Variants in HOOK2 observed in about 807,000 individuals in gnomAD.
The protein encoded by HOOK2 is hook microtubule tethering protein 2, also known as protein Hook homolog 2.
Under a neutral mutation model 111.9 loss-of-function variants are expected in HOOK2, and 108 were observed. The ratio of observed to expected loss-of-function variants is 0.96; its 90% confidence interval spans 0.83 to 1.13. The LOEUF (loss-of-function observed/expected upper bound fraction) is 1.13. Among genes scored for constraint, HOOK2 ranks in the 50% most tolerant of loss-of-function variants. The pLI is 0.00. For missense variants in HOOK2, 978 were observed against 951.3 expected (o/e 1.03, Z -0.37); for synonymous variants, 405 against 394.3 (o/e 1.03, Z -0.32).
At chr19:12,774,771 T>C (rs373870450) in intron 2 of HOOK2, 30 bp from the exon 3 acceptor site, 10 of 1,613,114 alleles carry the variant, frequency 6.2e-6, no homozygotes, top group Non-Finnish European at 8.5e-6. Context: ...ATGAGCAGAC[T>C]GGGGGACACT....
At chr19:12,774,026 C>T (rs1172806937) in intron 3 of HOOK2, 1 of 154,296 alleles carries the variant, frequency 6.5e-6, no homozygotes, top group Non-Finnish European at 1.4e-5. Flanking sequence ...GCCCTCATTG[C>T]TCTCTCTCAA....
At position 12,770,713 on chromosome 19, in the gene HOOK2, G is replaced by A. The variant is rs2290285; in HGVS notation, c.902+219C>T. Among the ~76,000 whole-genome samples, 161 of 140,188 alleles carry A rather than the reference G, an allele frequency of 1.1e-3. 2 individuals are homozygous for A. In the East Asian group the frequency reaches 0.033, roughly 29 times the overall value. The allele number at this position is 140,188 out of a possible 152,430, so 92.0% of individuals were successfully genotyped here. On this transcript the variant is annotated intron_variant, in intron 10 of 22. Transcript: ENST00000397668. Reference sequence around the variant, plus strand: ...GAAGCATACTGTGGGATAAGGGGGGGGCAGTGTGGGGTCCAGGGGATATGG... The same window carrying A: ...GAAGCATACTGTGGGATAAGGGGGGAGCAGTGTGGGGTCCAGGGGATATGG...
chr19:12,771,633 A>G (rs1968331177), intron 7 of HOOK2, among the ~76,000 whole-genome samples, 156 bp from the exon 8 acceptor site: 1 of 152,134 alleles, frequency 6.6e-6, no homozygotes, highest in African/African-American at 2.4e-5. Flanking sequence ...CTATAATCCC[A>G]GCACTTTGGG....
In HOOK2 at chr19:12,765,842, G is replaced by A; in HGVS notation, c.1600-8C>T. 1 of 1,610,974 alleles carries A rather than the reference G, an allele frequency of 6.2e-7. No homozygotes were observed. Among genetic ancestry groups the A allele is most frequent in the South Asian group, 1.1e-5 (1 of 91,024 alleles). ...CATGGTACTTACAATGGCCTGTATG[G>A]GGCATCGGGCAGCATGGGAGAGAGA... On this transcript the variant is annotated splice_region_variant and splice_polypyrimidine_tract_variant and intron_variant, in intron 16 of 22. Transcript: ENST00000397668.
rs748468127 is a variant in HOOK2, at chr19:12,771,060, G to C, written c.774C>G (p.Gly258=). ...LQEENFRLES[G]REDERLRCAE... ...CACAGCGCAGGCGCTCATCCTCCCTGCCACTCTCCAGCCTGGGGGTGTTGG... is the reference window on the plus strand; with the variant it reads ...CACAGCGCAGGCGCTCATCCTCCCTCCCACTCTCCAGCCTGGGGGTGTTGG... Residue 258 remains glycine (G), a synonymous_variant, in exon 10 of 23, where the codon GGC becomes GGG. Transcript: ENST00000397668. The C allele has an allele frequency of 3.1e-6, 5 of 1,612,636 alleles. No individual in the cohort carries two copies. In the East Asian group the frequency reaches 1.1e-4, roughly 36 times the overall value.
Position 12,767,404 on chromosome 19 carries a change from G to A in HOOK2, c.1364C>T (p.Ala455Val), listed in dbSNP as rs752500888. Residue 455 changes from alanine (A) to valine (V), a missense_variant, in exon 14 of 23, where the codon GCG (alanine) becomes GTG (valine). This residue lies in a region of HOOK2 where 388 missense variants were observed against 358.3 expected (regional missense o/e 1.08). Coordinates refer to ENST00000397668, the MANE Select transcript of HOOK2 (RefSeq NM_013312.3). ...AGTGACCCCAGGATACCTGAGCTCC[G>A]CAGGCAGGATCTCTGCGGCTAAGTT... ...VDNLAAEILP[A>V]ELRETLLRLQ... is the part of the protein sequence containing the mutation. 1.4e-5 allele frequency: 22 copies of A among 1,613,698 alleles called. No homozygotes were observed. The highest frequency in any genetic ancestry group is 3.3e-5 in the South Asian group (3 of 91,080).
intron 20 of HOOK2, among the ~76,000 whole-genome samples, chr19:12,764,011 C>G (rs1968074768): frequency 6.6e-6 from 1 of 151,960 alleles, no homozygotes; most frequent in African/African-American, 2.4e-5. Context: ...TTTATTTTTA[C>G]TTTATTTTTA....
At chr19:12,779,509 TGA>T (rs1673332522), upstream of HOOK2, among the ~76,000 whole-genome samples, 1 of 152,138 alleles carries the variant, frequency 6.6e-6, no homozygotes, top group Non-Finnish European at 1.5e-5. Flanking sequence ...TGAGTCCATG[TGA>T]AATGTGCTAG....
upstream of HOOK2, among the ~76,000 whole-genome samples, chr19:12,779,103 G>A (rs1299166442): frequency 6.6e-6 from 1 of 152,208 alleles, no homozygotes; most frequent in Non-Finnish European, 1.5e-5. Flanking sequence ...TAGGGACACA[G>A]AGCCCTGGTG....
In HOOK2 at chr19:12,786,591, T is replaced by C. The variant is rs907397801; in HGVS notation, n.42-12366A>G. 4.6e-5 allele frequency among the ~76,000 whole-genome samples: 7 copies of C among 151,980 alleles called. No homozygotes were observed. The highest frequency in any genetic ancestry group is 1.0e-4 in the Non-Finnish European group (7 of 67,960). The stretch of plus-strand genomic sequence containing the variant: ...CTGCCAGTCTGGACGCTCAGGCCAG[T>C]TGGGGGAGGGGGCTGTTCTCCCACC... On this transcript the variant is annotated intron_variant and non_coding_transcript_variant, in intron 3 of 3. Transcript: ENST00000589765. The surrounding 1 kb of genome is among the most constrained non-coding windows in gnomAD (Gnocchi z 4.3).
intron 3 of HOOK2, chr19:12,792,147 G>T (rs760427973): frequency 6.3e-7 from 1 of 1,596,812 alleles, no homozygotes; most frequent in Non-Finnish European, 8.5e-7. Flanking sequence ...GGGCGCAGGG[G>T]GCGGCGTCAC....
rs1968703896 is a variant in HOOK2 at position 12,790,667 on chromosome 19, C to T, written n.42-16442G>A. Among the ~76,000 whole-genome samples the T allele has an allele frequency of 6.6e-6, 1 of 150,886 alleles. No individual in the cohort carries two copies. Among genetic ancestry groups the T allele is most frequent in the Admixed American group, 6.6e-5 (1 of 15,252 alleles). On this transcript the variant is annotated intron_variant and non_coding_transcript_variant, in intron 3 of 3. Coordinates refer to the HOOK2 transcript ENST00000589765. This position sits in a 1 kb window ranked among gnomAD's most constrained non-coding sequence, Gnocchi z 7.2. ...GCCCCTTCTAACTCTCTCCTTCATC[C>T]GGGCTAGCAGATGACCCCAGTGGTC...
chr19:12,783,962 C>T (rs1386700738), intron 3 of HOOK2, among the ~76,000 whole-genome samples: 1 of 151,924 alleles, frequency 6.6e-6, no homozygotes, highest in Admixed American at 6.6e-5. Context: ...CCTGTTGGGC[C>T]CGTCACCTCC....
At chr19:12,783,765 C>G (rs1968629826) in intron 3 of HOOK2, among the ~76,000 whole-genome samples, 1 of 152,176 alleles carries the variant, frequency 6.6e-6, no homozygotes, top group Admixed American at 6.5e-5. Flanking sequence ...CAGGGTTGAG[C>G]ACGGGAGCCA....
In HOOK2 at chr19:12,763,663, C is replaced by A. The variant is rs760501269; in HGVS notation, c.1938+5G>T. 2.5e-6 allele frequency: 4 copies of A among 1,613,962 alleles called. No individual in the cohort carries two copies. The highest frequency in any genetic ancestry group is 3.4e-6 in the Non-Finnish European group (4 of 1,179,894). ...GAGGCAGCGTAAAGGGACGAGGACACCCACCTCCAGGTGTCGGATGCGGAC... is the reference window on the plus strand; with the variant it reads ...GAGGCAGCGTAAAGGGACGAGGACAACCACCTCCAGGTGTCGGATGCGGAC... On this transcript the variant is annotated splice_donor_5th_base_variant and intron_variant, in intron 21 of 22. Transcript: ENST00000397668.
Position 12,791,960 on chromosome 19 carries a change from C to A in HOOK2, n.42-17735G>T, listed in dbSNP as rs769830322. 40 of 1,610,880 alleles carry A rather than the reference C, an allele frequency of 2.5e-5. No homozygotes were observed. The highest frequency in any genetic ancestry group is 3.1e-5 in the Non-Finnish European group (37 of 1,179,314). On this transcript the variant is annotated intron_variant and non_coding_transcript_variant, in intron 3 of 3. Coordinates refer to the HOOK2 transcript ENST00000589765. This position sits in a 1 kb window ranked among gnomAD's most constrained non-coding sequence, Gnocchi z 7.0. ...CTCGCGGACCCGGCCCAGAGGGCGG[C>A]GGTGGCGGCAGCTACTTTTCTGGTC...
At position 12,772,205 on chromosome 19, in the gene HOOK2, G is replaced by A. The variant is rs1351187718; in HGVS notation, c.504C>T (p.Gly168=). 2 of 1,613,442 alleles carry A rather than the reference G, an allele frequency of 1.2e-6. No homozygotes were observed. The change falls in exon 7 of 23, where the codon GGC becomes GGT. Residue 168 remains glycine (G), a synonymous_variant. Transcript: ENST00000397668. ...TPDSLSPETY[G]NFDSQSRRYY... is the part of the protein sequence containing the mutation. Reference sequence around the variant, plus strand: ...AATCTCTTACCTGGCTGTCAAAGTTGCCATACGTCTCTGGTGACAGGGAGT... The same window carrying A: ...AATCTCTTACCTGGCTGTCAAAGTTACCATACGTCTCTGGTGACAGGGAGT...
rs1367789614 is a variant in HOOK2 at position 12,791,297 on chromosome 19, C to G, written n.42-17072G>C. On this transcript the variant is annotated intron_variant and non_coding_transcript_variant, in intron 3 of 3. Transcript: ENST00000589765. This position sits in a 1 kb window ranked among gnomAD's most constrained non-coding sequence, Gnocchi z 7.0. The stretch of plus-strand genomic sequence containing the variant: ...TGAGCCCCTCCCCCTGCAGCCCCGC[C>G]GAGCCACCCGGCCCGTGGCCGCTGT... Among the ~76,000 whole-genome samples, 5 of 152,216 alleles carry G rather than the reference C, an allele frequency of 3.3e-5. No homozygotes were observed. The highest frequency in any genetic ancestry group is 5.9e-5 in the Non-Finnish European group (4 of 68,038).
chr19:12,772,476 G>T, intron 6 of HOOK2, 137 bp downstream of exon 6: 1 of 1,051,272 alleles, frequency 9.5e-7, no homozygotes, highest in Non-Finnish European at 1.4e-6. Context: ...AGACACATGA[G>T]ACAGAGATGT....
Sources: allele counts gnomAD v4.1 joint callset (sites outside exome capture counted in the v4.1 genomes callset), GRCh38; gene constraint gnomAD v4.1.1; regional missense constraint gnomAD v4.1.1; non-coding constraint Gnocchi (gnomAD v3.1); transcripts MANE v1.5; gene names NCBI Gene and HGNC (gene_info 2026-07-23, HGNC 2026-07-21).